SPATA16: variants seen among roughly 807,000 people sequenced by gnomAD.
The protein encoded by SPATA16 is spermatogenesis-associated protein 16.
Under a neutral mutation model 63.3 loss-of-function variants are expected in SPATA16, and 36 were observed. The ratio of observed to expected loss-of-function variants is 0.57; its 90% CI spans 0.44 to 0.75. SPATA16 has a LOEUF of 0.75. SPATA16 is among the 30% of genes least tolerant of loss of function. The pLI is 0.00. For missense variants in SPATA16, 646 were observed against 679.3 expected (o/e 0.95, Z 0.54); for synonymous variants, 203 against 216.7 (o/e 0.94, Z 0.56).
chr3:173,008,002 T>C (rs756682688), intron 4 of SPATA16, among the ~76,000 whole-genome samples: 2 of 152,198 alleles, frequency 1.3e-5, no homozygotes, highest in Non-Finnish European at 2.9e-5. Context: ...ATTTAGCAAT[T>C]TTTTATTTTA....
At chr3:173,123,920 G>A (rs1418821620) in intron 1 of SPATA16, among the ~76,000 whole-genome samples, 2 of 151,920 alleles carry the variant, frequency 1.3e-5, no homozygotes, top group African/African-American at 4.8e-5. Context: ...TAGATTTTTA[G>A]TGTTTTTAAA....
rs59699882 is a variant in SPATA16, at chr3:172,948,042, GGAGA to G, written c.1081+8631_1081+8634del. Among the ~76,000 whole-genome samples the G allele has an allele frequency of 5.5e-3, 841 of 151,812 alleles. 5 individuals are homozygous for G. Among genetic ancestry groups the G allele is most frequent in the Non-Finnish European group, 8.7e-3 (592 of 67,934 alleles). The stretch of plus-strand genomic sequence containing the variant: ...GTTATTGGCTTTAAAGAGGAAGTAG[GGAGA>G]GAGAGAGAGATTGGGGTAGAAGTCC... On this transcript the variant is annotated intron_variant, in intron 6 of 10. Transcript: ENST00000351008.
At chr3:172,969,727 C>T (rs1482551751) in intron 5 of SPATA16, among the ~76,000 whole-genome samples, 1 of 152,136 alleles carries the variant, frequency 6.6e-6, no homozygotes, top group African/African-American at 2.4e-5. Flanking sequence ...GTTGCAACGT[C>T]ATCTCCACCC....
At chr3:173,042,122 CTG>C (rs1186687212) in intron 3 of SPATA16, among the ~76,000 whole-genome samples, 7 of 152,080 alleles carry the variant, frequency 4.6e-5, no homozygotes, top group Admixed American at 2.6e-4. Flanking sequence ...ATCCACGAAA[CTG>C]TGATTGATAA....
intron 6 of SPATA16, among the ~76,000 whole-genome samples, chr3:172,946,224 C>T (rs13320274): frequency 0.087 from 13,285 of 152,152 alleles, 1,941 homozygotes; most frequent in African/African-American, 0.3. Flanking sequence ...GAGTACTCAC[C>T]GGGCACCTTG....
intron 2 of SPATA16, among the ~76,000 whole-genome samples, chr3:173,109,610 T>C (rs1267793837): frequency 6.6e-6 from 1 of 152,190 alleles, no homozygotes; most frequent in East Asian, 1.9e-4. Flanking sequence ...ATGATAACCA[T>C]TGAAGGTAAA....
Position 172,924,208 on chromosome 3 carries a change from A to C in SPATA16, c.1338T>G (p.Asn446Lys), listed in dbSNP as rs775061743. The change falls in exon 8 of 11, where the codon AAT (asparagine) becomes AAG (lysine). Residue 446 changes from asparagine to lysine, a missense_variant and splice_region_variant. By Grantham distance (94) the Asn-to-Lys change is moderately conservative. Transcript: ENST00000351008. ...ILDFIRSTQL[N>K]GSFPASSGVM... The stretch of plus-strand genomic sequence containing the variant: ...AAATATAAAAGACTCATATACCTAC[A>C]TTCAATTGGGTGCTTCTAATAAAAT... The C allele has an allele frequency of 1.2e-6, 2 of 1,607,842 alleles. No homozygotes were observed. Among genetic ancestry groups the C allele is most frequent in the South Asian group, 2.2e-5 (2 of 90,980 alleles).
At chr3:173,100,075 C>T (rs1737454110) in intron 2 of SPATA16, among the ~76,000 whole-genome samples, 1 of 152,100 alleles carries the variant, frequency 6.6e-6, no homozygotes, top group African/African-American at 2.4e-5. Flanking sequence ...AGAATGCACT[C>T]CCAGTGTTCA....
chr3:172,938,358 G>C (rs1733061295), intron 6 of SPATA16, among the ~76,000 whole-genome samples: 1 of 152,202 alleles, frequency 6.6e-6, no homozygotes, highest in Non-Finnish European at 1.5e-5. Context: ...CAATAGGGAA[G>C]AAGGAGAGAG....
At chr3:173,076,884 C>T (rs1736818184) in intron 2 of SPATA16, among the ~76,000 whole-genome samples, 1 of 152,094 alleles carries the variant, frequency 6.6e-6, no homozygotes, top group African/African-American at 2.4e-5. Flanking sequence ...CCAGGAAGTG[C>T]ATGCTCTCTG....
intron 4 of SPATA16, among the ~76,000 whole-genome samples, chr3:172,980,760 C>T (rs544400082): frequency 1.3e-5 from 2 of 152,286 alleles, no homozygotes; most frequent in East Asian, 3.9e-4. Flanking sequence ...GCTGTTGTTT[C>T]TTCCTTTTAA....
chr3:172,930,553 CTTTT>C (rs34780432), intron 6 of SPATA16, among the ~76,000 whole-genome samples: 8 of 87,380 alleles, frequency 9.2e-5, no homozygotes, highest in African/African-American at 1.8e-4. Flanking sequence ...CATTCAAACT[CTTTT>C]TTTTTTTTTT....
At chr3:173,049,315 A>C (rs2108294109) in intron 2 of SPATA16, among the ~76,000 whole-genome samples, 1 of 144,270 alleles carries the variant, frequency 6.9e-6, no homozygotes, top group African/African-American at 2.9e-5. Context: ...TTCACTATTA[A>C]GTGAGTGACT....
chr3:173,130,358 C>CAAAAAA (rs1202660573), intron 1 of SPATA16, among the ~76,000 whole-genome samples: 51 of 39,898 alleles, frequency 1.3e-3, no homozygotes, highest in South Asian at 2.3e-3. Flanking sequence ...GACTTCGTCT[C>CAAAAAA]AAAAAAAAAA....
intron 1 of SPATA16, among the ~76,000 whole-genome samples, chr3:173,121,369 T>C (rs1738068648): frequency 6.6e-6 from 1 of 152,176 alleles, no homozygotes; most frequent in African/African-American, 2.4e-5. Context: ...GCACTTCTCC[T>C]ATAAACTACT....
At chr3:172,967,498 T>G (rs950631700) in intron 5 of SPATA16, among the ~76,000 whole-genome samples, 1 of 152,204 alleles carries the variant, frequency 6.6e-6, no homozygotes, top group African/African-American at 2.4e-5. Context: ...ATTTTCATAG[T>G]GATGGGAGTC....
intron 5 of SPATA16, among the ~76,000 whole-genome samples, chr3:172,960,769 T>G (rs1025871122): frequency 2.0e-5 from 3 of 152,178 alleles, no homozygotes; most frequent in African/African-American, 7.2e-5. Flanking sequence ...CCGATTCTTC[T>G]TGGTAAAATT....
rs536694303 is a variant in SPATA16, at chr3:172,912,730, G to A, written c.1587+931C>T. ...AGTATATAATACATATATACAATAC[G>A]TGTGAATCAACGCTTTATGTTACCA... On this transcript the variant is annotated intron_variant, in intron 10 of 10. Transcript: ENST00000351008. 1.5e-3 allele frequency among the ~76,000 whole-genome samples: 232 copies of A among 152,126 alleles called. 1 individual carries two copies. The highest frequency in any genetic ancestry group is 5.4e-3 in the African/African-American group (225 of 41,486).
intron 4 of SPATA16, among the ~76,000 whole-genome samples, chr3:172,992,596 G>A (rs1296050081): frequency 6.6e-6 from 1 of 152,084 alleles, no homozygotes; most frequent in East Asian, 1.9e-4. Context: ...TATTCATGAC[G>A]CAGGCATGAT....
Sources: gnomAD v4.1 joint callset for allele counts (sites outside exome capture counted in the v4.1 genomes callset) on GRCh38, gnomAD v4.1.1 for gene constraint, MANE v1.5 for transcripts, NCBI Gene and HGNC (gene_info 2026-07-23, HGNC 2026-07-21) for gene names.